The following KCNK2 variants were observed in gnomAD, a reference collection of about 807,000 sequenced individuals.
The protein encoded by KCNK2 is potassium channel subfamily K member 2.
KCNK2 carries 21 observed loss-of-function variants against 40.5 expected under a neutral mutation model. That is an observed-to-expected ratio of 0.52 (90% CI 0.37 to 0.75). KCNK2 has a LOEUF of 0.75. Ranked by LOEUF, KCNK2 falls within the 30% of genes least tolerant of loss-of-function variation. The pLI, the probability that KCNK2 is intolerant of heterozygous loss-of-function variation, is 0.00. For synonymous variants in KCNK2, 191 were observed against 202.2 expected (o/e 0.94, Z 0.47); for missense variants, 399 against 531.6 (o/e 0.75, Z 2.45).
At chr1:215,084,184 A>G (rs1053120096) in intron 1 of KCNK2, among the ~76,000 whole-genome samples, 9 of 80,002 alleles carry the variant, frequency 1.1e-4, no homozygotes, top group African/African-American at 4.7e-4. Flanking sequence ...AGGTTAATGC[A>G]CACACACACA....
chr1:215,224,349 T>A (rs1666300964), intron 6 of KCNK2, among the ~76,000 whole-genome samples: 1 of 152,078 alleles, frequency 6.6e-6, no homozygotes, highest in South Asian at 2.1e-4. Flanking sequence ...TCAAAAGTCA[T>A]GGTAGGATGA....
chr1:215,200,862 G>A (rs1665053984), intron 6 of KCNK2, among the ~76,000 whole-genome samples: 1 of 152,208 alleles, frequency 6.6e-6, no homozygotes, highest in South Asian at 2.1e-4. Context: ...GAGAGATTTT[G>A]CGTAAATTGG....
chr1:215,074,293 A>T (rs982579332), intron 1 of KCNK2, among the ~76,000 whole-genome samples: 1 of 152,234 alleles, frequency 6.6e-6, no homozygotes, highest in Admixed American at 6.5e-5. Context: ...TTTAATCATG[A>T]TGCAAAAAGG....
intron 3 of KCNK2, among the ~76,000 whole-genome samples, chr1:215,138,301 A>T (rs1662018939): frequency 6.6e-6 from 1 of 152,188 alleles, no homozygotes; most frequent in South Asian, 2.1e-4. Context: ...TGTAAATATG[A>T]TACAAAATGT....
At position 215,223,807 on chromosome 1, in the gene KCNK2, C is replaced by T. The variant is rs543269425; in HGVS notation, c.964-11021C>T. Among the ~76,000 whole-genome samples, 4 of 151,996 alleles carry T rather than the reference C, an allele frequency of 2.6e-5. No homozygotes were observed. In the South Asian group the frequency reaches 8.3e-4, roughly 32 times the overall value. On this transcript the variant is annotated intron_variant, in intron 6 of 6. Transcript: ENST00000444842. ...TTTATTTTTACACTTTTATTCATGA[C>T]CAGAAATCAAAATTCTATAAAGAGT... is the stretch of plus-strand genomic sequence containing the variant.
upstream of KCNK2, among the ~76,000 whole-genome samples, chr1:215,080,462 C>T (rs552619051): frequency 6.6e-6 from 1 of 152,214 alleles, no homozygotes; most frequent in South Asian, 2.1e-4. Context: ...TCTCATTTCT[C>T]ATGTATGTAG....
intron 5 of KCNK2, among the ~76,000 whole-genome samples, chr1:215,174,689 C>G (rs1472557875): frequency 6.6e-6 from 1 of 152,120 alleles, no homozygotes; most frequent in Non-Finnish European, 1.5e-5. Context: ...TCCTTCACAT[C>G]CCTTGTAAGT....
intron 5 of KCNK2, among the ~76,000 whole-genome samples, chr1:215,177,740 A>ATAT (rs71167812): frequency 0.03 from 3,068 of 101,524 alleles, 168 homozygotes; most frequent in African/African-American, 0.1. Flanking sequence ...ATATATATAT[A>ATAT]TTTTTTTTTT....
chr1:215,155,766 G>T (rs985497133), intron 3 of KCNK2, among the ~76,000 whole-genome samples: 1 of 152,026 alleles, frequency 6.6e-6, no homozygotes, highest in Admixed American at 6.6e-5. Context: ...TGATCCACCC[G>T]CCTTGGCCTC....
chr1:215,077,019 G>A (rs1186507516), intron 1 of KCNK2, among the ~76,000 whole-genome samples: 5 of 152,206 alleles, frequency 3.3e-5, no homozygotes, highest in African/African-American at 9.6e-5. Context: ...CTCTCAGGCA[G>A]CTTCTCCTCT....
intron 1 of KCNK2, among the ~76,000 whole-genome samples, chr1:215,010,200 C>A (rs1028362170): frequency 3.9e-5 from 6 of 152,160 alleles, no homozygotes; most frequent in African/African-American, 1.4e-4. Context: ...AACTATGAAG[C>A]AGCAGGTCCA....
intron 1 of KCNK2, among the ~76,000 whole-genome samples, chr1:215,008,138 A>G (rs1209148145): frequency 6.6e-6 from 1 of 151,522 alleles, no homozygotes; most frequent in Non-Finnish European, 1.5e-5. Context: ...TTTAAGGAAA[A>G]GGAAGCCATC....
In KCNK2 at chr1:215,010,863, T is replaced by G. The variant is rs745899932; in HGVS notation, c.34+4908T>G. Among the ~76,000 whole-genome samples, 984 of 116,738 alleles carry G rather than the reference T, an allele frequency of 8.4e-3. 9 individuals are homozygous for G. Among genetic ancestry groups the G allele is most frequent in the South Asian group, 0.047 (123 of 2,616 alleles). The allele number at this position is 116,738 out of a possible 152,430, so 76.6% of individuals were successfully genotyped here. A position where few individuals can be genotyped will look rare whatever the true frequency, so the allele number is the denominator to read the frequency against. On this transcript the variant is annotated intron_variant, in intron 1 of 6. Transcript: ENST00000391895. ...TCACAGGACACAGATTTTTTTTTTT[T>G]TTTTTTGTGTGTGTGTGTGTGTGTG...
intron 6 of KCNK2, among the ~76,000 whole-genome samples, chr1:215,202,245 C>T (rs749255598): frequency 5.6e-4 from 85 of 152,236 alleles, no homozygotes; most frequent in Non-Finnish European, 9.9e-4. Flanking sequence ...CTCTTTCCCA[C>T]GGGGAGAGGG....
rs1410270637 is a variant in KCNK2 at position 215,144,012 on chromosome 1, T to A, written c.475+19262T>A. Among the ~76,000 whole-genome samples the A allele has an allele frequency of 2.0e-5, 3 of 152,178 alleles. No homozygotes were observed. In the South Asian group the frequency reaches 6.2e-4, roughly 32 times the overall value. On this transcript the variant is annotated intron_variant, in intron 3 of 6. Coordinates refer to ENST00000444842, the MANE Select transcript of KCNK2 (RefSeq NM_001017425.3). ...ATCTCTGATGTGTCTCCCAACACTT[T>A]GTTTACTTGTAAATATTGAATTAAG...
chr1:215,111,176 T>A (rs1266067164), intron 2 of KCNK2, among the ~76,000 whole-genome samples: 2 of 152,062 alleles, frequency 1.3e-5, no homozygotes, highest in Non-Finnish European at 2.9e-5. Flanking sequence ...AGAGCAGAGG[T>A]AATTTCGTGT....
intron 1 of KCNK2, among the ~76,000 whole-genome samples, chr1:215,016,246 C>T (rs2601610): frequency 0.56 from 85,099 of 151,832 alleles, 25,513 homozygotes; most frequent in South Asian, 0.78. Flanking sequence ...ATGAAGCATA[C>T]GGAGACAAAA....
chr1:215,168,988 AT>A, intron 3 of KCNK2, among the ~76,000 whole-genome samples: 1 of 152,274 alleles, frequency 6.6e-6, no homozygotes, highest in East Asian at 1.9e-4. Flanking sequence ...TAATTGGAAT[AT>A]TAACTATACT....
intron 6 of KCNK2, among the ~76,000 whole-genome samples, chr1:215,233,799 G>A (rs1174596803): frequency 6.6e-6 from 1 of 152,150 alleles, no homozygotes; most frequent in Non-Finnish European, 1.5e-5. Flanking sequence ...TTAAGCGACA[G>A]TCTAGATTAT....
Sources: allele counts gnomAD v4.1 joint callset (sites outside exome capture counted in the v4.1 genomes callset), GRCh38; gene constraint gnomAD v4.1.1; transcripts MANE v1.5; gene names NCBI Gene and HGNC (gene_info 2026-07-23, HGNC 2026-07-21).